The following EXOC6 variants were observed in gnomAD, a reference collection of about 807,000 sequenced individuals.
EXOC6 encodes SEC15-like 1.
EXOC6 carries 60 observed loss-of-function variants against 112.5 expected under a neutral mutation model. That is an observed-to-expected ratio of 0.53 (90% CI 0.43 to 0.66). The LOEUF (loss-of-function observed/expected upper bound fraction) is 0.66. Ranked by LOEUF, EXOC6 falls within the 30% of genes least tolerant of loss-of-function variation. The pLI, the probability that EXOC6 is intolerant of heterozygous loss-of-function variation, is 0.00. For synonymous variants in EXOC6, 295 were observed against 308.0 expected (o/e 0.96, Z 0.44); for missense variants, 855 against 957.1 (o/e 0.89, Z 1.41).
In EXOC6 at chr10:92,861,985, C is replaced by T. The variant is rs573265520; in HGVS notation, c.101+13351C>T. On this transcript the variant is annotated intron_variant, in intron 1 of 21. Coordinates refer to ENST00000260762, the MANE Select transcript of EXOC6 (RefSeq NM_019053.6). ...AATATTATTCTTGTTTTATTTTTTC[C>T]TAAATAGAGGTAACATCAATGTAAA... 5.5e-4 allele frequency among the ~76,000 whole-genome samples: 83 copies of T among 151,996 alleles called. No individual in the cohort carries two copies. The Middle Eastern group carries it at 0.01, about 19-fold the overall frequency.
Position 92,952,338 on chromosome 10 carries a change from A to G in EXOC6, c.1482A>G (p.Glu494=). The G allele has an allele frequency of 1.9e-6, 3 of 1,612,908 alleles. No homozygotes were observed. The highest frequency in any genetic ancestry group is 2.5e-6 in the Non-Finnish European group (3 of 1,179,236). Residue 494 remains glutamate (E), a synonymous_variant, in exon 15 of 22, where the codon GAA becomes GAG. Transcript: ENST00000260762. ...CTCATATTTACATTCAAGTTAAAGA[A>G]TTTATTTATGCCAGCCTTAAATTTT... The part of the protein sequence containing the change: ...SVPHIYIQVK[E]FIYASLKFSE...
At chr10:93,020,108 C>T (rs1033557801) in intron 20 of EXOC6, among the ~76,000 whole-genome samples, 3 of 152,034 alleles carry the variant, frequency 2.0e-5, no homozygotes, top group Admixed American at 1.3e-4. Context: ...CCATAGTATA[C>T]ATGTATTAGA....
At chr10:92,949,432 G>A (rs1244868581) in intron 14 of EXOC6, among the ~76,000 whole-genome samples, 1 of 151,396 alleles carries the variant, frequency 6.6e-6, no homozygotes, top group Non-Finnish European at 1.5e-5. Flanking sequence ...TTTTTTGAAA[G>A]CCCAATGAAA....
chr10:92,959,113 C>T (rs1853850328), intron 17 of EXOC6, among the ~76,000 whole-genome samples: 1 of 151,854 alleles, frequency 6.6e-6, no homozygotes, highest in Non-Finnish European at 1.5e-5. Context: ...CAAAACAAAG[C>T]TGTAGTAATG....
At chr10:92,863,906 C>T (rs367778185) in intron 1 of EXOC6, among the ~76,000 whole-genome samples, 5 of 141,256 alleles carry the variant, frequency 3.5e-5, no homozygotes, top group African/African-American at 1.3e-4. Flanking sequence ...CGGAGCGAGA[C>T]TCCATCTCAA....
chr10:92,847,760 T>C (rs1310623520), upstream of EXOC6, among the ~76,000 whole-genome samples: 1 of 150,650 alleles, frequency 6.6e-6, no homozygotes, highest in South Asian at 2.1e-4. Flanking sequence ...CTCTCACCCC[T>C]TCTCAACCCA....
chr10:92,902,567 C>T (rs1463641264), intron 5 of EXOC6, among the ~76,000 whole-genome samples: 1 of 151,578 alleles, frequency 6.6e-6, no homozygotes, highest in Non-Finnish European at 1.5e-5. Flanking sequence ...TTTAGAGATT[C>T]TTGGAGTTGT....
chr10:93,039,765 T>G (rs1845676870), intron 20 of EXOC6, among the ~76,000 whole-genome samples: 2 of 152,226 alleles, frequency 1.3e-5, no homozygotes, highest in Non-Finnish European at 2.9e-5. Context: ...TCTACTCATC[T>G]TTTCACTTCT....
chr10:92,840,171 A>G (rs1846793666), intron 1 of EXOC6, among the ~76,000 whole-genome samples: 2 of 151,904 alleles, frequency 1.3e-5, no homozygotes, highest in Admixed American at 1.3e-4. Flanking sequence ...TCTTAGAATG[A>G]CATACTAAAA....
At chr10:92,915,602 A>T (rs55698843) in intron 6 of EXOC6, among the ~76,000 whole-genome samples, 156 bp from the exon 7 acceptor site, 10,230 of 145,468 alleles carry the variant, frequency 0.07, 555 homozygotes, top group Non-Finnish European at 0.12. Flanking sequence ...AAAGGAAATG[A>T]GAAGGCAAAA....
intron 4 of EXOC6, among the ~76,000 whole-genome samples, chr10:92,899,166 GTTATT>G (rs1850008764): frequency 1.3e-5 from 2 of 152,198 alleles, no homozygotes; most frequent in Admixed American, 6.5e-5. Context: ...ACACAAGTGT[GTTATT>G]TTATTTGGTA....
intron 4 of EXOC6, among the ~76,000 whole-genome samples, chr10:92,895,478 C>T (rs1201157743): frequency 6.6e-6 from 1 of 152,024 alleles, no homozygotes; most frequent in Non-Finnish European, 1.5e-5. Context: ...GTAAGAAAAA[C>T]ATCAAAAGAG....
chr10:92,905,982 C>T (rs918809378), intron 5 of EXOC6, among the ~76,000 whole-genome samples: 20 of 152,060 alleles, frequency 1.3e-4, no homozygotes, highest in Non-Finnish European at 1.5e-5. Flanking sequence ...TTTTCCTTTA[C>T]AGTTCTGTTA....
At chr10:92,935,764 T>C (rs1187951595) in intron 11 of EXOC6, 50 bp from the exon 12 acceptor site, 1 of 1,180,108 alleles carries the variant, frequency 8.5e-7, no homozygotes, top group Non-Finnish European at 1.3e-6. Flanking sequence ...CATATGACTC[T>C]GGTTTGTTGT....
intron 20 of EXOC6, among the ~76,000 whole-genome samples, chr10:93,048,925 G>T (rs1846141264): frequency 6.6e-6 from 1 of 152,064 alleles, no homozygotes; most frequent in Admixed American, 6.5e-5. Context: ...AGGTGCTAAT[G>T]TTCTTATACT....
At chr10:92,850,889 T>C (rs1211375729) in intron 1 of EXOC6, among the ~76,000 whole-genome samples, 1 of 152,178 alleles carries the variant, frequency 6.6e-6, no homozygotes, top group East Asian at 1.9e-4. Flanking sequence ...GTGATAAACT[T>C]TCCGCAGGCC....
At chr10:92,923,806 C>A (rs991726567) in intron 8 of EXOC6, among the ~76,000 whole-genome samples, 1 of 152,134 alleles carries the variant, frequency 6.6e-6, no homozygotes, top group Non-Finnish European at 1.5e-5. Flanking sequence ...AGGTGGGGAT[C>A]TTTGGAGGCT....
At chr10:92,902,289 A>G (rs1850218406) in intron 5 of EXOC6, among the ~76,000 whole-genome samples, 1 of 152,018 alleles carries the variant, frequency 6.6e-6, no homozygotes, top group Non-Finnish European at 1.5e-5. Context: ...AGCATTAGGA[A>G]GTTTTTTTGA....
At chr10:92,833,685 T>C (rs1357870894), upstream of EXOC6, among the ~76,000 whole-genome samples, 1 of 151,378 alleles carries the variant, frequency 6.6e-6, no homozygotes, top group Non-Finnish European at 1.5e-5. Flanking sequence ...AAAAGTCTGA[T>C]AAAAACAAAA....
Sources: allele counts gnomAD v4.1 joint callset (sites outside exome capture counted in the v4.1 genomes callset), GRCh38; gene constraint gnomAD v4.1.1; transcripts MANE v1.5; gene names NCBI Gene and HGNC (gene_info 2026-07-23, HGNC 2026-07-21).